ARHGAP32: variants seen among roughly 807,000 people sequenced by gnomAD.
ARHGAP32 encodes rho GTPase-activating protein 32.
In ARHGAP32, 51 loss-of-function variants were observed where a neutral mutation model predicts 186.5. The observed-to-expected ratio is 0.27, with a 90% CI of 0.22 to 0.35. The LOEUF is 0.35. Ranked by LOEUF, ARHGAP32 falls within the 10% of genes least tolerant of loss-of-function variation. ARHGAP32 has a pLI of 1.00. For missense variants in ARHGAP32, 2,186 were observed against 2,623.5 expected, an observed-to-expected ratio of 0.83 and a Z score of 3.64; for synonymous variants, 950 against 964.3, an observed-to-expected ratio of 0.99 and a Z score of 0.27.
At chr11:129,034,656 C>A (rs115641871) in intron 11 of ARHGAP32, among the ~76,000 whole-genome samples, 161 of 150,334 alleles carry the variant, frequency 1.1e-3, no homozygotes, top group African/African-American at 3.6e-3. Context: ...TAAGAGAAGA[C>A]TGACCACACA....
intron 6 of ARHGAP32, among the ~76,000 whole-genome samples, chr11:129,088,451 G>A (rs1941474749): frequency 6.6e-6 from 1 of 152,038 alleles, no homozygotes; most frequent in Admixed American, 6.6e-5. Flanking sequence ...ACTGTGGCAT[G>A]TGTCTGTAAT....
chr11:129,227,117 G>A (rs867607904), intron 1 of ARHGAP32, among the ~76,000 whole-genome samples: 2 of 152,038 alleles, frequency 1.3e-5, no homozygotes, highest in Admixed American at 6.6e-5. Flanking sequence ...CAGTACAAAG[G>A]AAGGGGAAGG....
intron 16 of ARHGAP32, 78 bp from the exon 17 acceptor site, chr11:128,981,639 TCAGA>T: frequency 6.9e-7 from 1 of 1,454,290 alleles, no homozygotes; most frequent in Non-Finnish European, 9.4e-7. Context: ...CGTGTAAATC[TCAGA>T]CAAACAGAGG....
chr11:129,244,556 A>G (rs973219618), intron 1 of ARHGAP32, among the ~76,000 whole-genome samples: 3 of 152,192 alleles, frequency 2.0e-5, no homozygotes, highest in African/African-American at 7.2e-5. Context: ...TCATGTCTAA[A>G]ACACCAAAAG....
intron 11 of ARHGAP32, among the ~76,000 whole-genome samples, chr11:129,024,736 T>C (rs1233488124): frequency 6.6e-6 from 1 of 152,238 alleles, no homozygotes; most frequent in Non-Finnish European, 1.5e-5. Context: ...AGATGTTAAA[T>C]ATGTAACTCT....
chr11:129,046,612 G>A (rs1225456357), intron 10 of ARHGAP32, among the ~76,000 whole-genome samples: 1 of 152,108 alleles, frequency 6.6e-6, no homozygotes, highest in Non-Finnish European at 1.5e-5. Context: ...AAGAAAACCC[G>A]GTTTGGCTTC....
intron 1 of ARHGAP32, among the ~76,000 whole-genome samples, chr11:129,245,492 T>A (rs1470941433): frequency 6.7e-6 from 1 of 150,256 alleles, no homozygotes; most frequent in Admixed American, 6.6e-5. Flanking sequence ...GAGATATACC[T>A]AATGCTAGAT....
At chr11:129,078,257 G>T (rs907176391) in intron 6 of ARHGAP32, among the ~76,000 whole-genome samples, 1 of 152,072 alleles carries the variant, frequency 6.6e-6, no homozygotes, top group African/African-American at 2.4e-5. Flanking sequence ...GGGGAAGGGG[G>T]TGAGCACCAC....
At chr11:128,993,288 C>T (rs1308484403) in intron 12 of ARHGAP32, 2 of 152,108 alleles carry the variant, frequency 1.3e-5, no homozygotes, top group Admixed American at 1.3e-4. Flanking sequence ...GCAGGGGTCA[C>T]ACTTATCTCT....
At chr11:129,268,965 AG>A (rs1193033913) in intron 1 of ARHGAP32, among the ~76,000 whole-genome samples, 2 of 152,180 alleles carry the variant, frequency 1.3e-5, no homozygotes, top group African/African-American at 2.4e-5. Flanking sequence ...GCTCAGAGAG[AG>A]GGGGGTTATA....
chr11:129,043,612 T>A (rs770479728), intron 10 of ARHGAP32, among the ~76,000 whole-genome samples: 38 of 152,042 alleles, frequency 2.5e-4, no homozygotes, highest in Non-Finnish European at 4.3e-4. Context: ...GGTCGTGAAC[T>A]CCCAACCTCA....
intron 5 of ARHGAP32, among the ~76,000 whole-genome samples, chr11:129,104,421 T>C (rs1189842075): frequency 3.9e-5 from 6 of 152,054 alleles, no homozygotes; most frequent in African/African-American, 1.4e-4. Flanking sequence ...GAATCAGAGA[T>C]ACCAAAAAAT....
intron 2 of ARHGAP32, among the ~76,000 whole-genome samples, chr11:129,128,668 C>G (rs1380464175): frequency 6.6e-6 from 1 of 151,100 alleles, no homozygotes; most frequent in Non-Finnish European, 1.5e-5. Flanking sequence ...CATCTCGGCT[C>G]ACTGCAACCT....
At chr11:129,000,046 CTCTT>C (rs1946313822) in intron 11 of ARHGAP32, among the ~76,000 whole-genome samples, 1 of 152,206 alleles carries the variant, frequency 6.6e-6, no homozygotes, top group African/African-American at 2.4e-5. Flanking sequence ...AAAAAGAAAA[CTCTT>C]TCTCATTTTG....
chr11:129,113,817 T>G (rs1942291545), intron 5 of ARHGAP32, among the ~76,000 whole-genome samples: 1 of 151,952 alleles, frequency 6.6e-6, no homozygotes, highest in African/African-American at 2.4e-5. Flanking sequence ...TTCGTCATCT[T>G]TCCTCACATA....
intron 2 of ARHGAP32, among the ~76,000 whole-genome samples, chr11:129,126,423 C>T (rs1276924731): frequency 6.6e-6 from 1 of 152,192 alleles, no homozygotes; most frequent in Admixed American, 6.5e-5. Flanking sequence ...ACTGTGTTGC[C>T]TAAACTGCCT....
intron 5 of ARHGAP32, among the ~76,000 whole-genome samples, chr11:129,107,595 G>A (rs1277037333): frequency 1.3e-5 from 2 of 152,172 alleles, no homozygotes; most frequent in African/African-American, 4.8e-5. Context: ...TGGGCCGGAC[G>A]TGGTGGCTCA....
rs1942587810 is a variant in ARHGAP32, at chr11:129,123,667, T to C, written c.360-137A>G. ...AGCACATGCGCATGAGCCACACATA[T>C]CCGCACAAATCCTCTTAAAAATACA... On this transcript the variant is annotated intron_variant, in intron 4 of 22. Coordinates refer to ENST00000682385, the MANE Select transcript of ARHGAP32 (RefSeq NM_001378024.1). This position sits in a 1 kb window ranked among gnomAD's most constrained non-coding sequence, Gnocchi z 4.6. 1 of 784,284 alleles carries C rather than the reference T, an allele frequency of 1.3e-6. No homozygotes were observed. Among genetic ancestry groups the C allele is most frequent in the South Asian group, 1.7e-5 (1 of 57,628 alleles). The allele number at this position is 784,284 out of a possible 1,614,324, so 48.6% of individuals were successfully genotyped here. A position where few individuals can be genotyped will look rare whatever the true frequency, so the allele number is the denominator to read the frequency against.
chr11:129,103,410 G>A (rs1941956715), intron 5 of ARHGAP32, among the ~76,000 whole-genome samples: 1 of 91,728 alleles, frequency 1.1e-5, no homozygotes, highest in Non-Finnish European at 2.2e-5. Flanking sequence ...AGCTCCCTAA[G>A]AGAATGTCAA....
Sources: gnomAD v4.1 joint callset for allele counts (sites outside exome capture counted in the v4.1 genomes callset) on GRCh38, gnomAD v4.1.1 for gene constraint, Gnocchi (gnomAD v3.1) non-coding constraint, MANE v1.5 for transcripts, NCBI Gene and HGNC (gene_info 2026-07-23, HGNC 2026-07-21) for gene names.